Variants in CCT2 observed in about 807,000 individuals in gnomAD.
CCT2 encodes the protein T-complex protein 1 subunit beta.
CCT2 carries 18 observed loss-of-function variants against 61.8 expected under a neutral mutation model. The ratio of observed to expected loss-of-function variants is 0.29; its 90% confidence interval spans 0.20 to 0.43. The LOEUF (loss-of-function observed/expected upper bound fraction) is 0.43, where lower values mean the gene tolerates loss of function less well. Among genes scored for constraint, CCT2 ranks in the 20% least tolerant of loss-of-function variants. The probability of loss-of-function intolerance (pLI) is 1.00; values close to 1 mark genes in which losing one functional copy is unlikely to be tolerated. For missense variants in CCT2, 556 were observed against 656.9 expected (o/e 0.85, Z 1.68); for synonymous variants, 248 against 215.9 (o/e 1.15, Z -1.30).
At chr12:69,587,643 AC>A in intron 4 of CCT2, 27 bp downstream of exon 4, 1 of 1,312,124 alleles carries the variant, frequency 7.6e-7, no homozygotes, top group Non-Finnish European at 1.1e-6. Context: ...TTTTTCACCA[AC>A]CTAATAATAC....
At chr12:69,588,391 G>A in intron 6 of CCT2, 129 bp downstream of exon 6, 1 of 665,374 alleles carries the variant, frequency 1.5e-6, no homozygotes, top group South Asian at 2.0e-5. Context: ...CACTCCAACA[G>A]TCAAACCTAC....
chr12:69,588,082 G>A (rs530701), intron 5 of CCT2, 68 bp from the exon 6 acceptor site: 1,115,630 of 1,526,724 alleles, frequency 0.73, 410,772 homozygotes, highest in East Asian at 0.93. Flanking sequence ...TACTTCCTCT[G>A]TCTTTACTAT....
At chr12:69,592,925 C>CT in intron 8 of CCT2, 51 bp from the exon 9 acceptor site, 8 of 1,583,074 alleles carry the variant, frequency 5.1e-6, no homozygotes, top group Non-Finnish European at 6.9e-6. Flanking sequence ...GAGACTCAAT[C>CT]TCAAAAAAAA....
intron 3 of CCT2, chr12:69,587,177 A>G (rs1881690674): frequency 3.0e-6 from 1 of 331,782 alleles, no homozygotes; most frequent in Non-Finnish European, 5.4e-6. Context: ...GTGTAAGTAG[A>G]TAACACTGCC....
intron 7 of CCT2, among the ~76,000 whole-genome samples, chr12:69,590,236 TCTG>T (rs1330181553): frequency 1.3e-5 from 2 of 152,232 alleles, no homozygotes; most frequent in Non-Finnish European, 2.9e-5. Flanking sequence ...GCTTTTCAAA[TCTG>T]CTGGTTCCAG....
At chr12:69,585,964 C>T (rs1881638632) in intron 1 of CCT2, 1 of 1,297,196 alleles carries the variant, frequency 7.7e-7, no homozygotes, top group Non-Finnish European at 9.8e-7. Context: ...TGGCCTGCAA[C>T]CCCTCCCTGC....
At chr12:69,591,507 TGTG>T (rs769639495) in intron 7 of CCT2, among the ~76,000 whole-genome samples, 6 of 136,550 alleles carry the variant, frequency 4.4e-5, no homozygotes, top group African/African-American at 1.5e-4. Flanking sequence ...ATTTTTCTCT[TGTG>T]GTGGTGATTT....
At chr12:69,585,555 C>A in intron 1 of CCT2, 31 bp downstream of exon 1, 3 of 1,568,020 alleles carry the variant, frequency 1.9e-6, no homozygotes, top group Non-Finnish European at 2.6e-6. Flanking sequence ...TCTTGCCCTA[C>A]CCCTGCTCCG....
intron 1 of CCT2, chr12:69,585,741 T>C (rs1171633806): frequency 4.4e-5 from 64 of 1,449,236 alleles, no homozygotes; most frequent in Non-Finnish European, 5.4e-5. Context: ...CAGCGTCTCC[T>C]TGTGCCTAGG....
chr12:69,591,666 A>T (rs1475752160), intron 7 of CCT2, among the ~76,000 whole-genome samples: 1 of 152,150 alleles, frequency 6.6e-6, no homozygotes, highest in Non-Finnish European at 1.5e-5. Flanking sequence ...TCTGTTTCAT[A>T]TTTTTTAAGT....
chr12:69,592,912 A>G, intron 8 of CCT2, 64 bp from the exon 9 acceptor site: 7 of 1,529,956 alleles, frequency 4.6e-6, no homozygotes, highest in Non-Finnish European at 6.2e-6. Flanking sequence ...TGGGCAACAG[A>G]GCGAGACTCA....
chr12:69,589,719 G>C (rs751760656), intron 7 of CCT2, 32 bp downstream of exon 7: 3 of 1,535,208 alleles, frequency 2.0e-6, no homozygotes, highest in Non-Finnish European at 2.7e-6. Context: ...AAGAAGCTTT[G>C]ATTAGATGCT....
In CCT2 at chr12:69,589,625, T is replaced by G. The variant is rs1290117631; in HGVS notation, c.587T>G (p.Leu196Arg). Residue 196 changes from leucine to arginine, a missense_variant, in exon 7 of 16, where the codon CTG becomes CGG. Transcript: ENST00000299300. ...CTCAGACTGAAAGGCTCTGGCAACCTGGAGGCAATTCATATTATCAAGAAG... is the reference window on the plus strand; with the variant it reads ...CTCAGACTGAAAGGCTCTGGCAACCGGGAGGCAATTCATATTATCAAGAAG... ...AVLRLKGSGNLEAIHIIKKLG... is the reference protein window; with the variant it reads ...AVLRLKGSGNREAIHIIKKLG... 6.2e-7 allele frequency: 1 copy of G among 1,614,078 alleles called. No individual in the cohort carries two copies. The highest frequency in any genetic ancestry group is 2.2e-5 in the East Asian group (1 of 44,872).
At chr12:69,586,120 C>T in intron 1 of CCT2, 150 bp from the exon 2 acceptor site, 2 of 1,146,080 alleles carry the variant, frequency 1.7e-6, no homozygotes, top group South Asian at 1.6e-5. Context: ...TAAATGCTTT[C>T]TCCGATGATG....
At chr12:69,599,506 G>T (rs1457152151) in intron 14 of CCT2, among the ~76,000 whole-genome samples, 2 of 152,116 alleles carry the variant, frequency 1.3e-5, no homozygotes, top group African/African-American at 4.8e-5. Context: ...TCCTGCCTCA[G>T]CCTCCTGAGT....
At chr12:69,599,213 GTAGT>G (rs1790548021) in intron 14 of CCT2, among the ~76,000 whole-genome samples, 1 of 151,896 alleles carries the variant, frequency 6.6e-6, no homozygotes, top group African/African-American at 2.4e-5. Context: ...AGCCTTCCAA[GTAGT>G]TAGGGCTAAA....
At chr12:69,594,883 A>C (rs532390615) in intron 10 of CCT2, among the ~76,000 whole-genome samples, 1 of 150,384 alleles carries the variant, frequency 6.6e-6, no homozygotes, top group African/African-American at 2.4e-5. Flanking sequence ...TTTGCTTTTT[A>C]TTGTGGTAAT....
rs113309438 is a variant in CCT2 at position 69,590,891 on chromosome 12, G to A, written c.650-1168G>A. 4.8e-3 allele frequency among the ~76,000 whole-genome samples: 730 copies of A among 150,782 alleles called. 4 individuals are homozygous for A. The highest frequency in any genetic ancestry group is 0.017 in the African/African-American group (706 of 41,068). On this transcript the variant is annotated intron_variant, in intron 7 of 15. Coordinates refer to ENST00000299300, the MANE Select transcript of CCT2 (RefSeq NM_006431.3). ...GCCACCATGCCTGGCTAACTTTTTT[G>A]TATTTTTAGTAGAGACGGGGTATCG...
chr12:69,592,952 C>T, intron 8 of CCT2, 24 bp from the exon 9 acceptor site: 2 of 1,606,316 alleles, frequency 1.2e-6, no homozygotes, highest in Non-Finnish European at 8.5e-7. Context: ...AACTGATGCT[C>T]TCTTTATGCT....
Sources: gnomAD v4.1 joint callset for allele counts (sites outside exome capture counted in the v4.1 genomes callset) on GRCh38, gnomAD v4.1.1 for gene constraint, MANE v1.5 for transcripts, NCBI Gene and HGNC (gene_info 2026-07-23, HGNC 2026-07-21) for gene names.